Variants in ADAM12 observed in about 807,000 individuals in gnomAD.
ADAM12 encodes ADAM metallopeptidase domain 12.
A neutral mutation model predicts 106.4 loss-of-function variants in ADAM12; 70 were observed. The observed-to-expected ratio is 0.66, with a 90% CI of 0.54 to 0.80. The LOEUF is 0.80. Ranked by LOEUF, ADAM12 falls within the 30% of genes least tolerant of loss-of-function variation. The pLI is 0.00. For missense variants in ADAM12, 1,010 were observed against 1,171.9 expected (o/e 0.86, Z 2.02); for synonymous variants, 420 against 433.5 (o/e 0.97, Z 0.39).
chr10:126,065,251 G>T (rs1243187358), intron 13 of ADAM12, among the ~76,000 whole-genome samples: 1 of 152,200 alleles, frequency 6.6e-6, no homozygotes, highest in African/African-American at 2.4e-5. Context: ...CAACATCAGG[G>T]TTCTCCAAGA....
intron 3 of ADAM12, among the ~76,000 whole-genome samples, chr10:126,156,969 T>C (rs11244850): frequency 0.24 from 35,977 of 152,114 alleles, 4,809 homozygotes; most frequent in East Asian, 0.5. Context: ...TGCCTGCCCT[T>C]TCCTGTCTTC....
rs567468739 is a variant in ADAM12, at chr10:126,115,316, G to A, written c.603+2722C>T. Among the ~76,000 whole-genome samples, 5 of 152,304 alleles carry A rather than the reference G, an allele frequency of 3.3e-5. No homozygotes were observed. The East Asian group carries it at 9.6e-4, about 29-fold the overall frequency. On this transcript the variant is annotated intron_variant, in intron 6 of 22. Coordinates refer to ENST00000448723, the MANE Select transcript of ADAM12 (RefSeq NM_001288973.2). ...ACCATCTTTGCCTTGCTCAGAGCTT[G>A]CTTAGGATGATGTTAAAATTAGTTT...
intron 12 of ADAM12, among the ~76,000 whole-genome samples, chr10:126,069,966 C>T (rs546864233): frequency 1.5e-3 from 221 of 152,088 alleles, no homozygotes; most frequent in African/African-American, 2.5e-3. Context: ...ATTCCAAACC[C>T]GAGAGTTCAT....
At chr10:126,092,850 G>A (rs1955491331) in intron 11 of ADAM12, among the ~76,000 whole-genome samples, 2 of 152,250 alleles carry the variant, frequency 1.3e-5, no homozygotes, top group African/African-American at 4.8e-5. Context: ...GTTCTGCTCA[G>A]TTCTTGTTTC....
At chr10:126,224,678 A>G (rs1958158441) in intron 3 of ADAM12, among the ~76,000 whole-genome samples, 1 of 152,222 alleles carries the variant, frequency 6.6e-6, no homozygotes, top group African/African-American at 2.4e-5. Context: ...TACCAGCTCC[A>G]GAGCCCCTCT....
At position 126,066,835 on chromosome 10, in the gene ADAM12, A is replaced by G; in HGVS notation, c.1324-29T>C. Reference sequence around the variant, plus strand: ...GAAAGGGGAATGGCATTTGTTTGACAGGGTCTTATGGAGTATGCACTCACT... The same window carrying G: ...GAAAGGGGAATGGCATTTGTTTGACGGGGTCTTATGGAGTATGCACTCACT... On this transcript the variant is annotated intron_variant, in intron 12 of 22. Coordinates refer to ENST00000448723, the MANE Select transcript of ADAM12 (RefSeq NM_001288973.2). The surrounding 1 kb of genome is among the most constrained non-coding windows in gnomAD (Gnocchi z 5.1). 1 of 1,598,684 alleles carries G rather than the reference A, an allele frequency of 6.3e-7. No homozygotes were observed. Among genetic ancestry groups the G allele is most frequent in the South Asian group, 1.1e-5 (1 of 90,626 alleles).
At chr10:126,270,735 C>T (rs1466699317) in intron 3 of ADAM12, among the ~76,000 whole-genome samples, 1 of 152,168 alleles carries the variant, frequency 6.6e-6, no homozygotes, top group Non-Finnish European at 1.5e-5. Context: ...ATGCTCTAGA[C>T]TTCAAGGAGG....
chr10:126,373,625 C>T (rs1347080622), intron 1 of ADAM12, among the ~76,000 whole-genome samples: 2 of 152,166 alleles, frequency 1.3e-5, no homozygotes, highest in Admixed American at 6.5e-5. Flanking sequence ...TTACAATAGG[C>T]AGCCAACAAA....
chr10:126,333,945 T>G (rs986680523), intron 1 of ADAM12, among the ~76,000 whole-genome samples: 10 of 152,208 alleles, frequency 6.6e-5, no homozygotes, highest in African/African-American at 2.4e-4. Flanking sequence ...GAGTACGGTA[T>G]GTATTATCTA....
chr10:126,226,959 C>T (rs1958208208), intron 3 of ADAM12, among the ~76,000 whole-genome samples: 1 of 152,160 alleles, frequency 6.6e-6, no homozygotes, highest in Non-Finnish European at 1.5e-5. Flanking sequence ...CTCCTTGATG[C>T]TTGTTCTCTG....
At chr10:126,018,083 G>A (rs1001488616) in intron 22 of ADAM12, among the ~76,000 whole-genome samples, 1 of 152,194 alleles carries the variant, frequency 6.6e-6, no homozygotes, top group Non-Finnish European at 1.5e-5. Flanking sequence ...CCCTTTGACC[G>A]CCTTTATCTC....
intron 3 of ADAM12, among the ~76,000 whole-genome samples, chr10:126,170,696 A>C (rs1957104778): frequency 6.6e-6 from 1 of 152,168 alleles, no homozygotes. Context: ...AAAACCATTA[A>C]TCCCATCTGA....
chr10:126,145,860 T>C lies in ADAM12; in HGVS notation c.339+9367A>G, dbSNP rs185662289. On this transcript the variant is annotated intron_variant, in intron 4 of 22. Transcript: ENST00000448723. ...GCATGAATGAATGACTGAATAAACA[T>C]AGGCATGTGTGAAAAGGTAGGGCCG... Among the ~76,000 whole-genome samples, 764 of 152,320 alleles carry C rather than the reference T, an allele frequency of 5.0e-3. 6 individuals carry two copies. Among genetic ancestry groups the C allele is most frequent in the African/African-American group, 0.018 (737 of 41,570 alleles).
At chr10:126,386,050 T>TGGG in intron 1 of ADAM12, among the ~76,000 whole-genome samples, 1 of 151,798 alleles carries the variant, frequency 6.6e-6, no homozygotes, top group South Asian at 2.1e-4. Flanking sequence ...AGTGGGTAGG[T>TGGG]GGGAATATAC....
At chr10:126,041,655 CAT>C in intron 18 of ADAM12, 1 of 988,958 alleles carries the variant, frequency 1.0e-6, no homozygotes, top group Non-Finnish European at 1.2e-6. Context: ...CTGCTATTTT[CAT>C]ATAATAAATG....
chr10:126,254,161 T>C (rs1958842102), intron 3 of ADAM12, among the ~76,000 whole-genome samples: 1 of 152,164 alleles, frequency 6.6e-6, no homozygotes, highest in African/African-American at 2.4e-5. Flanking sequence ...TCTCAGCCAT[T>C]AGAACAGGTT....
chr10:126,170,508 C>G (rs1224864401), intron 3 of ADAM12, among the ~76,000 whole-genome samples: 1 of 151,874 alleles, frequency 6.6e-6, no homozygotes, highest in Non-Finnish European at 1.5e-5. Context: ...AGCACACCCT[C>G]TTTTCTGCGA....
Position 126,049,426 on chromosome 10 carries a change from A to C in ADAM12, c.1744T>G (p.Cys582Gly). The change falls in exon 16 of 23, where the codon TGT (cysteine) becomes GGT (glycine). Residue 582 changes from cysteine (C) to glycine (G), a missense_variant. Around this residue, in one of 3 missense-constraint regions of ADAM12, gnomAD observed 615 missense variants for 708.5 expected, o/e 0.87. Transcript: ENST00000448723. The surrounding 1 kb of genome is among the most constrained non-coding windows in gnomAD (Gnocchi z 4.4). The part of the protein sequence containing the change: ...MRDAKCGKIQ[C>G]QGGASRPVIG... The stretch of plus-strand genomic sequence containing the variant: ...ACTGGCCGGCTGGCACCTCCTTGAC[A>C]CTGGATTTTTCCACATTTAGCATCT... 1.2e-6 allele frequency: 2 copies of C among 1,614,164 alleles called. No individual in the cohort carries two copies. Among genetic ancestry groups the C allele is most frequent in the Non-Finnish European group, 1.7e-6 (2 of 1,180,038 alleles).
chr10:126,121,116 TA>T (rs1956087592), intron 5 of ADAM12, among the ~76,000 whole-genome samples: 1 of 69,380 alleles, frequency 1.4e-5, no homozygotes, highest in Non-Finnish European at 2.5e-5. Context: ...ATATAGTATA[TA>T]TATAGTATAT....
Sources: gnomAD v4.1 joint callset for allele counts (sites outside exome capture counted in the v4.1 genomes callset) on GRCh38, gnomAD v4.1.1 for gene constraint, gnomAD v4.1.1 regional missense constraint, Gnocchi (gnomAD v3.1) non-coding constraint, MANE v1.5 for transcripts, NCBI Gene and HGNC (gene_info 2026-07-23, HGNC 2026-07-21) for gene names.